Variants in AGBL4 observed in about 807,000 individuals in gnomAD.
AGBL4 encodes the protein cytosolic carboxypeptidase 6.
In AGBL4, 58 loss-of-function variants were observed where a neutral mutation model predicts 66.4. That is an observed-to-expected ratio of 0.87 (90% CI 0.71 to 1.09). AGBL4 has a LOEUF of 1.09. Among genes scored for constraint, AGBL4 ranks in the 50% least tolerant of loss-of-function variants. AGBL4 has a pLI of 0.00. For missense variants in AGBL4, 579 were observed against 631.0 expected (o/e 0.92, Z 0.88); for synonymous variants, 234 against 222.9 (o/e 1.05, Z -0.44).
intron 1 of AGBL4, among the ~76,000 whole-genome samples, chr1:49,857,054 A>C (rs1646452701): frequency 6.6e-6 from 1 of 152,108 alleles, no homozygotes; most frequent in African/African-American, 2.4e-5. Context: ...AATTCAACCT[A>C]TGTAAATCAT....
In AGBL4 at chr1:48,942,040, G is replaced by T. The variant is rs1295017846; in HGVS notation, c.595-74810C>A. ...ACAAGCAAATGACTATTTTTCTTTT[G>T]TGAGGACTGTTCTATAAAGTCAACA... On this transcript the variant is annotated intron_variant, in intron 5 of 13. Coordinates refer to ENST00000371839, the MANE Select transcript of AGBL4 (RefSeq NM_032785.4). 2.0e-5 allele frequency among the ~76,000 whole-genome samples: 3 copies of T among 152,158 alleles called. No homozygotes were observed. The South Asian group carries it at 6.2e-4, about 32-fold the overall frequency.
At chr1:49,514,334 G>A (rs541536476) in intron 3 of AGBL4, among the ~76,000 whole-genome samples, 9 of 152,086 alleles carry the variant, frequency 5.9e-5, no homozygotes, top group East Asian at 5.8e-4. Flanking sequence ...TACAAGGGAC[G>A]TGAAGGACCT....
chr1:49,388,773 T>C (rs945387747), intron 3 of AGBL4, among the ~76,000 whole-genome samples: 1 of 152,072 alleles, frequency 6.6e-6, no homozygotes, highest in East Asian at 1.9e-4. Context: ...TAAAACAATC[T>C]GGGTTCCCTA....
chr1:49,536,527 T>C (rs1244512610), intron 3 of AGBL4, among the ~76,000 whole-genome samples: 1 of 152,056 alleles, frequency 6.6e-6, no homozygotes, highest in Non-Finnish European at 1.5e-5. Context: ...AATACCAACA[T>C]CATCTTTCAC....
chr1:49,047,187 C>T (rs1644100825), intron 4 of AGBL4, among the ~76,000 whole-genome samples: 1 of 152,054 alleles, frequency 6.6e-6, no homozygotes. Flanking sequence ...GATGCCTGTA[C>T]ATACATTTGA....
intron 3 of AGBL4, among the ~76,000 whole-genome samples, chr1:49,602,670 C>A (rs1229937940): frequency 6.6e-6 from 1 of 151,542 alleles, no homozygotes; most frequent in Non-Finnish European, 1.5e-5. Flanking sequence ...GGGAGGGGAA[C>A]ATCACACACT....
At chr1:48,880,983 A>T (rs906046237) in intron 5 of AGBL4, among the ~76,000 whole-genome samples, 8 of 152,204 alleles carry the variant, frequency 5.3e-5, no homozygotes, top group Non-Finnish European at 1.2e-4. Flanking sequence ...CTTAAATTTT[A>T]ATATAAGACA....
intron 5 of AGBL4, among the ~76,000 whole-genome samples, chr1:48,990,000 A>T (rs985171836): frequency 6.6e-6 from 1 of 152,144 alleles, no homozygotes; most frequent in Non-Finnish European, 1.5e-5. Flanking sequence ...TCCCACCAAC[A>T]GTGTTTGAGG....
At chr1:49,897,745 T>TA (rs1210404905) in intron 1 of AGBL4, among the ~76,000 whole-genome samples, 1 of 151,684 alleles carries the variant, frequency 6.6e-6, no homozygotes, top group African/African-American at 2.4e-5. Context: ...GATAATAGCA[T>TA]AAAAAACAGC....
intron 11 of AGBL4, among the ~76,000 whole-genome samples, chr1:48,543,812 C>T (rs1327660060): frequency 6.6e-6 from 1 of 152,252 alleles, no homozygotes; most frequent in Non-Finnish European, 1.5e-5. Context: ...ACTGCACTGG[C>T]TGCTTTGCCT....
At position 49,575,228 on chromosome 1, in the gene AGBL4, G is replaced by A. The variant is rs529591846; in HGVS notation, c.282+122085C>T. On this transcript the variant is annotated intron_variant, in intron 3 of 13. Coordinates refer to ENST00000371839, the MANE Select transcript of AGBL4 (RefSeq NM_032785.4). ...CATTGTCATCCTCCAGTTAAAGTAG[G>A]GGCTTATGGAGGTCACATAATTAAT... 9.2e-5 allele frequency among the ~76,000 whole-genome samples: 14 copies of A among 152,248 alleles called. No homozygotes were observed. The South Asian group carries it at 2.9e-3, about 32-fold the overall frequency.
chr1:49,378,207 T>A lies in AGBL4; in HGVS notation c.283-132343A>T, dbSNP rs191417885. Reference sequence around the variant, plus strand: ...AACATATATGAAGATACTCCATCCATGAATAAGACCTTAAAAAGAAAAAAT... The same window carrying A: ...AACATATATGAAGATACTCCATCCAAGAATAAGACCTTAAAAAGAAAAAAT... On this transcript the variant is annotated intron_variant, in intron 3 of 13. Transcript: ENST00000371839. Among the ~76,000 whole-genome samples the A allele has an allele frequency of 1.6e-3, 251 of 152,190 alleles. 2 individuals are homozygous for A. In the South Asian group the frequency reaches 0.021, roughly 13 times the overall value.
chr1:48,812,562 A>C (rs1646075952), intron 6 of AGBL4, among the ~76,000 whole-genome samples: 1 of 152,154 alleles, frequency 6.6e-6, no homozygotes, highest in Admixed American at 6.5e-5. Context: ...TACATTCCCA[A>C]CCTTTAAGGA....
At chr1:49,874,069 T>C (rs1002761119) in intron 1 of AGBL4, among the ~76,000 whole-genome samples, 4 of 151,870 alleles carry the variant, frequency 2.6e-5, no homozygotes, top group African/African-American at 9.7e-5. Context: ...CAGAAATACA[T>C]CCATATGCAG....
intron 3 of AGBL4, among the ~76,000 whole-genome samples, chr1:49,406,933 C>T (rs1259208705): frequency 1.3e-5 from 2 of 151,386 alleles, no homozygotes; most frequent in South Asian, 2.1e-4. Flanking sequence ...GGCGTGGTGG[C>T]GGGCGCCTGT....
intron 6 of AGBL4, among the ~76,000 whole-genome samples, chr1:48,795,905 C>G (rs182162552): frequency 2.0e-5 from 3 of 152,238 alleles, no homozygotes; most frequent in Non-Finnish European, 2.9e-5. Context: ...CCACCCGCCT[C>G]AGCCTCCCAA....
At chr1:48,622,418 A>C (rs943341996) in intron 9 of AGBL4, among the ~76,000 whole-genome samples, 8 of 151,342 alleles carry the variant, frequency 5.3e-5, no homozygotes, top group Middle Eastern at 3.2e-3. Flanking sequence ...TTGGTTTGGA[A>C]CTCCAGACCA....
At chr1:49,502,988 T>C (rs1407546715) in intron 3 of AGBL4, among the ~76,000 whole-genome samples, 2 of 151,968 alleles carry the variant, frequency 1.3e-5, no homozygotes, top group Non-Finnish European at 2.9e-5. Context: ...AGCAAGACAA[T>C]GGGAAAAATG....
chr1:49,940,548 G>T (rs1001606469), intron 1 of AGBL4, among the ~76,000 whole-genome samples: 1 of 152,182 alleles, frequency 6.6e-6, no homozygotes, highest in Admixed American at 6.5e-5. Flanking sequence ...CATGTCCTTT[G>T]TAGGGACATG....
Sources: gnomAD v4.1 joint callset for allele counts (sites outside exome capture counted in the v4.1 genomes callset) on GRCh38, gnomAD v4.1.1 for gene constraint, MANE v1.5 for transcripts, NCBI Gene and HGNC (gene_info 2026-07-23, HGNC 2026-07-21) for gene names.